Variants in KAZN observed in about 807,000 individuals in gnomAD.
KAZN encodes kazrin, periplakin interacting protein, also known as kazrin.
A neutral mutation model predicts 87.4 loss-of-function variants in KAZN; 40 were observed. That is an observed-to-expected ratio of 0.46 (90% CI 0.36 to 0.60). KAZN has a LOEUF of 0.60. Among genes scored for constraint, KAZN ranks in the 20% least tolerant of loss-of-function variants. KAZN has a pLI of 0.00. For missense variants in KAZN, 898 were observed against 1,073.9 expected (o/e 0.84, Z 2.29); for synonymous variants, 466 against 458.3 (o/e 1.02, Z -0.22).
chr1:14,833,891 T>C (rs1284973085), intron 1 of KAZN, among the ~76,000 whole-genome samples: 2 of 151,866 alleles, frequency 1.3e-5, no homozygotes, highest in Non-Finnish European at 2.9e-5. Context: ...AGAATGTTGG[T>C]GTCTAAGAGC....
At chr1:13,962,609 G>C (rs182185110) in intron 1 of KAZN, among the ~76,000 whole-genome samples, 149 of 152,288 alleles carry the variant, frequency 9.8e-4, no homozygotes, top group African/African-American at 3.2e-3. Flanking sequence ...CCAGGCTGGA[G>C]TGCAGTGGCG....
chr1:14,457,066 C>T (rs934707538), intron 2 of KAZN, among the ~76,000 whole-genome samples: 9 of 152,046 alleles, frequency 5.9e-5, no homozygotes, highest in East Asian at 3.9e-4. Context: ...GGTGACAGAG[C>T]GAGACTCTAT....
intron 13 of KAZN, among the ~76,000 whole-genome samples, chr1:15,106,229 T>G (rs1641291244): frequency 6.6e-6 from 1 of 152,140 alleles, no homozygotes; most frequent in African/African-American, 2.4e-5. Flanking sequence ...TGCAGTGAGC[T>G]ATGATTATGC....
chr1:14,598,549 C>A (rs895354417), upstream of KAZN, among the ~76,000 whole-genome samples: 24 of 151,990 alleles, frequency 1.6e-4, no homozygotes, highest in Non-Finnish European at 1.5e-4. The surrounding 1 kb of genome is among the most constrained non-coding windows in gnomAD (Gnocchi z 4.2). Flanking sequence ...CCGCCTCCGC[C>A]CCCCCGGGGG....
At chr1:14,866,110 C>T (rs538275155) in intron 1 of KAZN, among the ~76,000 whole-genome samples, 6 of 152,240 alleles carry the variant, frequency 3.9e-5, no homozygotes, top group Non-Finnish European at 7.4e-5. Flanking sequence ...TCAAACTTGC[C>T]GAGCTCTCTC....
chr1:14,475,437 T>G (rs2148378919), intron 2 of KAZN, among the ~76,000 whole-genome samples: 1 of 152,302 alleles, frequency 6.6e-6, no homozygotes, highest in Admixed American at 6.5e-5. Context: ...GACACAGTAG[T>G]CATTGTTATT....
At chr1:13,975,514 TTCTC>T (rs1638306225) in intron 1 of KAZN, among the ~76,000 whole-genome samples, 1 of 152,186 alleles carries the variant, frequency 6.6e-6, no homozygotes, top group South Asian at 2.1e-4. Context: ...CAATTGGACT[TTCTC>T]TATGTATTTG....
intron 2 of KAZN, among the ~76,000 whole-genome samples, chr1:14,371,237 G>T (rs1660458491): frequency 6.6e-6 from 1 of 152,194 alleles, no homozygotes; most frequent in Non-Finnish European, 1.5e-5. Flanking sequence ...GATGCTGCTG[G>T]TCAGAGGACC....
At chr1:13,920,243 CAAAAA>C (rs56221437) in intron 1 of KAZN, among the ~76,000 whole-genome samples, 1 of 71,808 alleles carries the variant, frequency 1.4e-5, no homozygotes. Flanking sequence ...GACCCTGTCT[CAAAAA>C]AAAAAAAAAA....
chr1:15,053,225 G>A (rs1306520982), intron 4 of KAZN, among the ~76,000 whole-genome samples: 1 of 152,238 alleles, frequency 6.6e-6, no homozygotes, highest in African/African-American at 2.4e-5. Context: ...CCAGGGGGCT[G>A]TGTGCACGCA....
chr1:14,108,172 C>T (rs1570755077), intron 1 of KAZN, among the ~76,000 whole-genome samples: 1 of 152,086 alleles, frequency 6.6e-6, no homozygotes, highest in East Asian at 1.9e-4. Context: ...AGTCTCACCG[C>T]TCTTTCTACT....
intron 2 of KAZN, among the ~76,000 whole-genome samples, chr1:14,301,241 C>G (rs888111996): frequency 2.0e-5 from 3 of 152,170 alleles, no homozygotes; most frequent in African/African-American, 7.2e-5. Context: ...TACCCGGTTG[C>G]ATTTGCTCTA....
intron 2 of KAZN, among the ~76,000 whole-genome samples, chr1:14,243,112 T>G (rs1419640389): frequency 6.6e-6 from 1 of 152,160 alleles, no homozygotes; most frequent in Non-Finnish European, 1.5e-5. Context: ...CGTCCCTCCT[T>G]GCCCCTCCAC....
chr1:14,195,109 A>G (rs1302624524), intron 2 of KAZN, among the ~76,000 whole-genome samples: 2 of 152,212 alleles, frequency 1.3e-5, no homozygotes, highest in Admixed American at 6.5e-5. Flanking sequence ...TAGATACAAC[A>G]GCTTATTATA....
At chr1:14,368,286 G>GACCC (rs1660178473) in intron 2 of KAZN, among the ~76,000 whole-genome samples, 1 of 152,176 alleles carries the variant, frequency 6.6e-6, no homozygotes, top group Non-Finnish European at 1.5e-5. Context: ...AGGCAGCAGT[G>GACCC]ACCCCAGTGT....
intron 1 of KAZN, among the ~76,000 whole-genome samples, chr1:14,825,340 A>T (rs1287196320): frequency 6.6e-6 from 1 of 152,226 alleles, no homozygotes; most frequent in Non-Finnish European, 1.5e-5. Flanking sequence ...AGAAAATGCC[A>T]TCTCCATCAC....
At chr1:14,168,666 G>T (rs754966819) in intron 1 of KAZN, among the ~76,000 whole-genome samples, 17 of 152,190 alleles carry the variant, frequency 1.1e-4, no homozygotes, top group Non-Finnish European at 1.9e-4. Context: ...GTGTAGCGAT[G>T]AATTGTCATA....
chr1:14,298,807 C>T (rs1654317697), intron 2 of KAZN, among the ~76,000 whole-genome samples: 1 of 152,190 alleles, frequency 6.6e-6, no homozygotes, highest in African/African-American at 2.4e-5. Context: ...GAATGGGTTA[C>T]TAATAGAGTA....
At chr1:14,790,427 A>G (rs1645639069) in intron 1 of KAZN, among the ~76,000 whole-genome samples, 1 of 152,178 alleles carries the variant, frequency 6.6e-6, no homozygotes, top group Non-Finnish European at 1.5e-5. Flanking sequence ...TAATTCACAT[A>G]CCATAAGATA....
Sources: allele counts gnomAD v4.1 joint callset (sites outside exome capture counted in the v4.1 genomes callset), GRCh38; gene constraint gnomAD v4.1.1; non-coding constraint Gnocchi (gnomAD v3.1); transcripts MANE v1.5; gene names NCBI Gene and HGNC (gene_info 2026-07-23, HGNC 2026-07-21).